GLIS3: variants seen among roughly 807,000 people sequenced by gnomAD.
GLIS3 encodes GLIS family zinc finger 3.
A neutral mutation model predicts 78.6 loss-of-function variants in GLIS3; 53 were observed. That is an observed-to-expected ratio of 0.67 (90% CI 0.54 to 0.85). GLIS3 has a LOEUF of 0.85. Ranked by LOEUF, GLIS3 falls within the 40% of genes least tolerant of loss-of-function variation. The pLI is 0.00. For synonymous variants in GLIS3, 684 were observed against 509.9 expected, an observed-to-expected ratio of 1.34 and a Z score of -4.60; for missense variants, 1,703 against 1,231.1, an observed-to-expected ratio of 1.38 and a Z score of -5.74.
upstream of GLIS3, among the ~76,000 whole-genome samples, chr9:4,301,658 CAATGTCCCTCAAATATCATTTTA>C (rs1249417813): frequency 6.6e-6 from 1 of 152,182 alleles, no homozygotes; most frequent in Non-Finnish European, 1.5e-5. Context: ...AAAACCTTTC[CAATGTCCCTCAAATATCATTTTA>C]AATACAATGG....
At chr9:3,964,167 A>C (rs566846356) in intron 4 of GLIS3, among the ~76,000 whole-genome samples, 2 of 152,098 alleles carry the variant, frequency 1.3e-5, no homozygotes, top group East Asian at 3.9e-4. Flanking sequence ...CCACAGATTG[A>C]TGGGACTAAT....
In GLIS3 at chr9:4,129,762, TG is replaced by T. The variant is rs142012452; in HGVS notation, c.389-3822del. Among the ~76,000 whole-genome samples, 655 of 151,964 alleles carry T rather than the reference TG, an allele frequency of 4.3e-3. 6 individuals carry two copies. Among genetic ancestry groups the T allele is most frequent in the African/African-American group, 0.015 (621 of 41,436 alleles). ...GCGAGAACAGACTAATACCAAGGAGTGGGGCATTACCATGATACCTGAAAAT... is the reference window on the plus strand; with the variant it reads ...GCGAGAACAGACTAATACCAAGGAGTGGGCATTACCATGATACCTGAAAAT... On this transcript the variant is annotated intron_variant, in intron 2 of 10. Coordinates refer to ENST00000381971, the MANE Select transcript of GLIS3 (RefSeq NM_001042413.2).
intron 2 of GLIS3, among the ~76,000 whole-genome samples, chr9:4,330,491 G>A (rs143428565): frequency 6.6e-6 from 1 of 152,364 alleles, no homozygotes; most frequent in Non-Finnish European, 1.5e-5. Flanking sequence ...GTCAGTCAAA[G>A]ATCCCAGAGA....
chr9:3,881,166 A>G (rs1406010617), intron 7 of GLIS3, among the ~76,000 whole-genome samples: 1 of 152,204 alleles, frequency 6.6e-6, no homozygotes, highest in African/African-American at 2.4e-5. Flanking sequence ...GACTGTGGCA[A>G]TAGTTTCAAA....
intron 2 of GLIS3, among the ~76,000 whole-genome samples, chr9:4,153,326 G>C (rs900114403): frequency 6.6e-6 from 1 of 152,218 alleles, no homozygotes; most frequent in Non-Finnish European, 1.5e-5. Context: ...CACTTTGGGA[G>C]GCTGAGGCGG....
intron 4 of GLIS3, among the ~76,000 whole-genome samples, chr9:3,967,933 A>G (rs1818081922): frequency 2.0e-5 from 3 of 152,242 alleles, no homozygotes; most frequent in Admixed American, 1.3e-4. Flanking sequence ...TGTTGTGAGC[A>G]AATAATGCTT....
the GLIS3 span, among the ~76,000 whole-genome samples, chr9:4,445,957 G>A: frequency 6.6e-6 from 1 of 152,186 alleles, no homozygotes; most frequent in Admixed American, 6.5e-5. Flanking sequence ...GCCCAGGATT[G>A]CCAGACTTTC....
At chr9:4,465,582 T>C in the GLIS3 span, among the ~76,000 whole-genome samples, 1 of 152,086 alleles carries the variant, frequency 6.6e-6, no homozygotes, top group Non-Finnish European at 1.5e-5. Flanking sequence ...TAATAAATAA[T>C]AATTCTTGTA....
chr9:4,342,840 A>AT (rs1428440688), intron 2 of GLIS3, among the ~76,000 whole-genome samples: 9 of 152,170 alleles, frequency 5.9e-5, no homozygotes, highest in Admixed American at 1.3e-4. Flanking sequence ...TAGGTATTTT[A>AT]TTTTGTGTGT....
chr9:4,215,308 G>A (rs7026684), intron 2 of GLIS3, among the ~76,000 whole-genome samples: 57,984 of 149,950 alleles, frequency 0.39, 11,226 homozygotes, highest in South Asian at 0.51. Flanking sequence ...GGGGAGAGAT[G>A]AGAGGAGTGT....
intron 4 of GLIS3, among the ~76,000 whole-genome samples, chr9:4,013,511 G>T (rs1382909384): frequency 6.6e-6 from 1 of 152,174 alleles, no homozygotes; most frequent in Non-Finnish European, 1.5e-5. Flanking sequence ...ATGAATAAAA[G>T]ACTAATCTGC....
intron 2 of GLIS3, among the ~76,000 whole-genome samples, chr9:4,150,241 C>T (rs184704348): frequency 2.6e-5 from 4 of 152,330 alleles, no homozygotes; most frequent in Admixed American, 2.6e-4. Context: ...TAAAATTCTG[C>T]CTCAGTAGCC....
chr9:4,162,380 A>T (rs941447077), intron 2 of GLIS3, among the ~76,000 whole-genome samples: 1 of 152,166 alleles, frequency 6.6e-6, no homozygotes, highest in African/African-American at 2.4e-5. Flanking sequence ...TCTTTCAAGC[A>T]AGTGTGATTC....
At chr9:3,979,128 G>T (rs969597686) in intron 4 of GLIS3, among the ~76,000 whole-genome samples, 4 of 152,016 alleles carry the variant, frequency 2.6e-5, no homozygotes, top group African/African-American at 9.7e-5. Context: ...TGTTCTAATG[G>T]GTAGAGAATA....
intron 3 of GLIS3, among the ~76,000 whole-genome samples, chr9:4,309,792 A>G (rs529949970): frequency 1.3e-5 from 2 of 152,122 alleles, no homozygotes; most frequent in African/African-American, 2.4e-5. Context: ...CATCATTGCA[A>G]CAAGCAACTC....
At chr9:4,011,602 T>C (rs1218789045) in intron 4 of GLIS3, among the ~76,000 whole-genome samples, 1 of 152,180 alleles carries the variant, frequency 6.6e-6, no homozygotes, top group Non-Finnish European at 1.5e-5. Context: ...CCCATCTACC[T>C]GCTGAATAGT....
chr9:4,469,554 T>C, the GLIS3 span, among the ~76,000 whole-genome samples: 1 of 152,072 alleles, frequency 6.6e-6, no homozygotes, highest in Non-Finnish European at 1.5e-5. Context: ...CAAAACGAAA[T>C]GAAGGCAGAA....
At chr9:4,466,863 G>C in the GLIS3 span, among the ~76,000 whole-genome samples, 96 of 152,324 alleles carry the variant, frequency 6.3e-4, 1 homozygote, top group Non-Finnish European at 1.1e-3. Flanking sequence ...CAAGGGGGTC[G>C]GGGTATTCCC....
At chr9:4,238,615 A>G (rs1226339827) in intron 2 of GLIS3, among the ~76,000 whole-genome samples, 2 of 152,354 alleles carry the variant, frequency 1.3e-5, no homozygotes, top group East Asian at 3.9e-4. Flanking sequence ...AAGTTTTGCC[A>G]GTGTTCTCTC....
Sources: allele counts gnomAD v4.1 joint callset (sites outside exome capture counted in the v4.1 genomes callset), GRCh38; gene constraint gnomAD v4.1.1; transcripts MANE v1.5; gene names NCBI Gene and HGNC (gene_info 2026-07-23, HGNC 2026-07-21).